Variants in TGM1 observed in about 807,000 individuals in gnomAD.
The protein encoded by TGM1 is protein-glutamine gamma-glutamyltransferase K.
A neutral mutation model predicts 88.7 loss-of-function variants in TGM1; 63 were observed. That is an observed-to-expected ratio of 0.71 (90% CI 0.58 to 0.88). TGM1 has a LOEUF of 0.88. TGM1 is among the 40% of genes least tolerant of loss of function. The pLI is 0.00. For synonymous variants in TGM1, 415 were observed against 431.1 expected, an observed-to-expected ratio of 0.96 and a Z score of 0.46; for missense variants, 996 against 1,118.0, an observed-to-expected ratio of 0.89 and a Z score of 1.56.
rs1033814930 is a variant in TGM1, at chr14:24,249,399, G to A, written c.2368C>T (p.Pro790Ser). 3.1e-6 allele frequency: 5 copies of A among 1,613,978 alleles called. No homozygotes were observed. The highest frequency in any genetic ancestry group is 1.1e-5 in the South Asian group (1 of 91,084). The change falls in exon 15 of 15, where the codon CCT becomes TCT. Residue 790 changes from proline (P) to serine (S), a missense_variant. Coordinates refer to ENST00000206765, the MANE Select transcript of TGM1 (RefSeq NM_000359.3). The stretch of plus-strand genomic sequence containing the variant: ...TCTGAGAAGAAGCCCCCATCCCCAG[G>A]GGCTGGGGCCACATCCACCTGGATG... ...GVIQVDVAPA[P>S]GDGGFFSDAG... is the part of the protein sequence containing the mutation.
intron 4 of TGM1, 72 bp downstream of exon 4, chr14:24,260,378 C>T: frequency 6.2e-7 from 1 of 1,602,942 alleles, no homozygotes; most frequent in Admixed American, 1.7e-5. Context: ...CACCCCGCCA[C>T]ATCCGAGGGC....
At position 24,259,630 on chromosome 14, in the gene TGM1, G is replaced by A; in HGVS notation, c.984+74C>T. The stretch of plus-strand genomic sequence containing the variant: ...GGGGTTCTTGAGGAATCCAGAAAGG[G>A]CAGGAGGAGGGTGGGGGTGTGGCGA... On this transcript the variant is annotated intron_variant, in intron 6 of 14. Coordinates refer to ENST00000206765, the MANE Select transcript of TGM1 (RefSeq NM_000359.3). The surrounding 1 kb of genome is among the most constrained non-coding windows in gnomAD (Gnocchi z 5.7). 2 of 1,269,040 alleles carry A rather than the reference G, an allele frequency of 1.6e-6. No individual in the cohort carries two copies. Among genetic ancestry groups the A allele is most frequent in the Admixed American group, 3.9e-5 (2 of 51,668 alleles). 78.6% of individuals were successfully genotyped at this position (1,269,040 alleles called of 1,614,324 possible). A position where few individuals can be genotyped will look rare whatever the true frequency, so the allele number is the denominator to read the frequency against.
At position 24,254,819 on chromosome 14, in the gene TGM1, G is replaced by A. The variant is rs144517528; in HGVS notation, c.1933C>T (p.Arg645Cys). The A allele has an allele frequency of 1.0e-4, 167 of 1,613,626 alleles. No individual in the cohort carries two copies. The highest frequency in any genetic ancestry group is 1.3e-4 in the Non-Finnish European group (153 of 1,180,028). ...TTGTAGGCCACTGGCATGGTCACACGGTCCGCTGTGGAGAAGAGGCATGGC... is the reference window on the plus strand; with the variant it reads ...TTGTAGGCCACTGGCATGGTCACACAGTCCGCTGTGGAGAAGAGGCATGGC... The part of the protein sequence containing the change: ...EVELAPGASD[R>C]VTMPVAYKEY... The change falls in exon 13 of 15, where the codon CGT becomes TGT. Residue 645 changes from arginine to cysteine, a missense_variant. Arg to Cys is a radical substitution (Grantham distance 180, BLOSUM62 -3). Coordinates refer to ENST00000206765, the MANE Select transcript of TGM1 (RefSeq NM_000359.3).
chr14:24,260,240 C>A, intron 4 of TGM1, 182 bp from the exon 5 acceptor site: 1 of 971,924 alleles, frequency 1.0e-6, no homozygotes, highest in Non-Finnish European at 1.6e-6. Flanking sequence ...TTGGCTGTAG[C>A]CAGGGGCCTT....
Position 24,255,279 on chromosome 14 carries a change from G to T in TGM1, c.1646-26C>A. On this transcript the variant is annotated intron_variant, in intron 11 of 14. Transcript: ENST00000206765. This position sits in a 1 kb window ranked among gnomAD's most constrained non-coding sequence, Gnocchi z 4.0. The stretch of plus-strand genomic sequence containing the variant: ...CTGGGGGTTGAGGGTCAAGGGTGAG[G>T]TTCCAATTCCCACGTGGGTGGCCAA... 6.2e-7 allele frequency: 1 copy of T among 1,614,152 alleles called. No individual in the cohort carries two copies.
chr14:24,256,767 C>T (rs2040754868), intron 9 of TGM1, among the ~76,000 whole-genome samples: 1 of 152,190 alleles, frequency 6.6e-6, no homozygotes, highest in African/African-American at 2.4e-5. Context: ...CACTCCTTTA[C>T]AGACGGGGAA....
Position 24,259,689 on chromosome 14 carries a change from T to C in TGM1, c.984+15A>G, listed in dbSNP as rs1434546422. 1.9e-6 allele frequency: 3 copies of C among 1,601,104 alleles called. No individual in the cohort carries two copies. Among genetic ancestry groups the C allele is most frequent in the Middle Eastern group, 1.7e-4 (1 of 5,878 alleles). The stretch of plus-strand genomic sequence containing the variant: ...GCACACACACAGTAGGACTCAGAGA[T>C]GTGAGGGTGCTCACCATGGCAGAGA... On this transcript the variant is annotated intron_variant, in intron 6 of 14. Transcript: ENST00000206765. The surrounding 1 kb of genome is among the most constrained non-coding windows in gnomAD (Gnocchi z 5.7).
At chr14:24,251,290 G>C (rs1205953873) in intron 14 of TGM1, among the ~76,000 whole-genome samples, 2 of 152,164 alleles carry the variant, frequency 1.3e-5, no homozygotes, top group Non-Finnish European at 2.9e-5. Context: ...CTTAATTTTT[G>C]CTAACTTTTC....
chr14:24,259,102 AGCACTG>A lies in TGM1; in HGVS notation c.1126_1131del (p.Gln376_Cys377del), dbSNP rs1390087770. On this transcript the variant is annotated inframe_deletion, in exon 7 of 15. Coordinates refer to ENST00000206765, the MANE Select transcript of TGM1 (RefSeq NM_000359.3). This position sits in a 1 kb window ranked among gnomAD's most constrained non-coding sequence, Gnocchi z 5.7. Reference sequence around the variant, plus strand: ...GTGGTGGTCACGCCAGCAAAGACCCAGCACTGGCCATAGGGGACGGAATATCCCGTG... The same window carrying A: ...GTGGTGGTCACGCCAGCAAAGACCCAGCCATAGGGGACGGAATATCCCGTG... The A allele has an allele frequency of 6.2e-7, 1 of 1,614,098 alleles. No homozygotes were observed. The highest frequency in any genetic ancestry group is 8.5e-7 in the Non-Finnish European group (1 of 1,180,004).
Position 24,259,960 on chromosome 14 carries a change from G to A in TGM1, c.856C>T (p.Arg286Trp), listed in dbSNP as rs773777400. 9 of 1,614,088 alleles carry A rather than the reference G, an allele frequency of 5.6e-6. No individual in the cohort carries two copies. The highest frequency in any genetic ancestry group is 2.2e-5 in the East Asian group (1 of 44,876). The change falls in exon 5 of 15, where the codon CGG (arginine) becomes TGG (tryptophan). Residue 286 changes from arginine to tryptophan, a missense_variant. Transcript: ENST00000206765. This position sits in a 1 kb window ranked among gnomAD's most constrained non-coding sequence, Gnocchi z 5.7. The part of the protein sequence containing the change: ...YYGTEAQIGE[R>W]TWNYGQFDHG... ...CATACCTGGCCGTAGTTCCAGGTCCGCTCACCAATCTGTGCTTCGGTCCCG... is the reference window on the plus strand; with the variant it reads ...CATACCTGGCCGTAGTTCCAGGTCCACTCACCAATCTGTGCTTCGGTCCCG...
At chr14:24,260,353 G>T in intron 4 of TGM1, 97 bp downstream of exon 4, 2 of 1,559,216 alleles carry the variant, frequency 1.3e-6, no homozygotes, top group African/African-American at 2.7e-5. Flanking sequence ...CTTCTCCTGG[G>T]GTCAGGCACC....
At chr14:24,253,873 G>A (rs2040720916) in intron 14 of TGM1, among the ~76,000 whole-genome samples, 1 of 152,204 alleles carries the variant, frequency 6.6e-6, no homozygotes, top group South Asian at 2.1e-4. Context: ...GCAAATATTA[G>A]CAATGAGTTA....
intron 4 of TGM1, 73 bp from the exon 5 acceptor site, chr14:24,260,131 C>T: frequency 5.2e-6 from 7 of 1,345,474 alleles, no homozygotes; most frequent in South Asian, 1.2e-5. Context: ...CTGGCCAGTT[C>T]TGCAGGACTC....
chr14:24,251,610 C>T (rs2040701316), intron 14 of TGM1, among the ~76,000 whole-genome samples: 1 of 152,208 alleles, frequency 6.6e-6, no homozygotes, highest in South Asian at 2.1e-4. Flanking sequence ...GACACCAGAA[C>T]TTAGACGTCG....
At chr14:24,254,560 C>A in intron 13 of TGM1, 104 bp downstream of exon 13, 1 of 1,570,070 alleles carries the variant, frequency 6.4e-7, no homozygotes, top group Non-Finnish European at 8.7e-7. Context: ...CCTACAAAGG[C>A]TCATCAGGCC....
intron 14 of TGM1, among the ~76,000 whole-genome samples, chr14:24,250,788 A>G (rs2040695189): frequency 1.3e-5 from 2 of 152,126 alleles, no homozygotes. Context: ...CTGCATTTAT[A>G]TTGCATTTGC....
Position 24,260,643 on chromosome 14 carries a change from C to A in TGM1, c.564G>T (p.Gly188=). ...CCTGGGCTTTCCAGCCTCCACTGCC[C>A]CCCTTGCCCACTGGGATGATCACGT... ...GTHVIIPVGK[G]GSGGWKAQVV... The change falls in exon 4 of 15, where the codon GGG becomes GGT. Residue 188 remains glycine (G), a synonymous_variant. Coordinates refer to ENST00000206765, the MANE Select transcript of TGM1 (RefSeq NM_000359.3). 3 of 1,614,190 alleles carry A rather than the reference C, an allele frequency of 1.9e-6. No individual in the cohort carries two copies. The highest frequency in any genetic ancestry group is 1.7e-6 in the Non-Finnish European group (2 of 1,180,032).
In TGM1 at chr14:24,259,780, T is replaced by C. The variant is rs757256224; in HGVS notation, c.908A>G (p.Tyr303Cys). Residue 303 changes from tyrosine (Y) to cysteine (C), a missense_variant, in exon 6 of 15, where the codon TAC becomes TGC. Transcript: ENST00000206765. This position sits in a 1 kb window ranked among gnomAD's most constrained non-coding sequence, Gnocchi z 5.7. ...FDHGVLDACL[Y>C]ILDRRGMPYG... The stretch of plus-strand genomic sequence containing the variant: ...TGGCATCCCCCGCCGGTCCAGGATG[T>C]ATAAGCAGGCATCCAGCACCCCGTG... 11 of 1,613,190 alleles carry C rather than the reference T, an allele frequency of 6.8e-6. No homozygotes were observed. The highest frequency in any genetic ancestry group is 1.3e-5 in the African/African-American group (1 of 74,858).
At chr14:24,254,316 C>T (rs375889153) in intron 13 of TGM1, 28 bp from the exon 14 acceptor site, 46 of 1,613,700 alleles carry the variant, frequency 2.9e-5, no homozygotes, top group Non-Finnish European at 3.4e-5. Context: ...CCATCCCCCA[C>T]GTCAGAGACC....
Sources: gnomAD v4.1 joint callset for allele counts (sites outside exome capture counted in the v4.1 genomes callset) on GRCh38, gnomAD v4.1.1 for gene constraint, Gnocchi (gnomAD v3.1) non-coding constraint, MANE v1.5 for transcripts, NCBI Gene and HGNC (gene_info 2026-07-23, HGNC 2026-07-21) for gene names.